Variants in RNF180 observed in about 807,000 individuals in gnomAD.
The protein encoded by RNF180 is E3 ubiquitin-protein ligase RNF180.
In RNF180, 38 loss-of-function variants were observed where a neutral mutation model predicts 59.2. The observed-to-expected ratio is 0.64, with a 90% CI of 0.50 to 0.84. RNF180 has a LOEUF of 0.84. RNF180 is among the 40% of genes least tolerant of loss of function. The pLI, the probability that RNF180 is intolerant of heterozygous loss-of-function variation, is 0.00. For synonymous variants in RNF180, 262 were observed against 240.3 expected (o/e 1.09, Z -0.84); for missense variants, 705 against 700.9 (o/e 1.01, Z -0.07).
At chr5:64,267,133 G>A (rs913240045) in intron 5 of RNF180, among the ~76,000 whole-genome samples, 3 of 151,980 alleles carry the variant, frequency 2.0e-5, no homozygotes, top group East Asian at 1.9e-4. Flanking sequence ...CTGATCCTAA[G>A]GGTTCTATTA....
rs10064715 is a variant in RNF180, at chr5:64,370,034, A to G, written c.*220A>G. On this transcript the variant is annotated 3_prime_UTR_variant, in exon 8 of 8. Coordinates refer to ENST00000389100, the MANE Select transcript of RNF180 (RefSeq NM_001113561.2). ...CCTACCCAGCACTTAGCAACAATGC[A>G]CTATTAATTTCATAGTTGTTCTTGG... 94,871 of 313,498 alleles carry G rather than the reference A, an allele frequency of 0.3. 15,909 individuals are homozygous for G. Among genetic ancestry groups the G allele is most frequent in the African/African-American group, 0.52 (24,079 of 46,522 alleles). The allele number at this position is 313,498 out of a possible 1,614,324, so 19.4% of individuals were successfully genotyped here.
chr5:64,201,992 C>T (rs1751778970), intron 2 of RNF180, among the ~76,000 whole-genome samples: 1 of 152,040 alleles, frequency 6.6e-6, no homozygotes, highest in Non-Finnish European at 1.5e-5. Context: ...CTTGAAATAA[C>T]ATTTTAATTA....
chr5:64,203,372 A>G (rs1200670157), intron 2 of RNF180, among the ~76,000 whole-genome samples: 2 of 152,192 alleles, frequency 1.3e-5, no homozygotes, highest in Admixed American at 1.3e-4. Flanking sequence ...AAATTCACCC[A>G]TTGTTAGATA....
intron 7 of RNF180, among the ~76,000 whole-genome samples, chr5:64,353,027 T>A (rs1490886858): frequency 6.6e-6 from 1 of 151,870 alleles, no homozygotes; most frequent in Non-Finnish European, 1.5e-5. Context: ...GACTCTTTGA[T>A]GTATTTCCTG....
chr5:64,325,407 A>G lies in RNF180; in HGVS notation c.1449A>G (p.Gln483=), dbSNP rs745777032. The G allele has an allele frequency of 1.3e-6, 2 of 1,530,604 alleles. No individual in the cohort carries two copies. Among genetic ancestry groups the G allele is most frequent in the South Asian group, 1.2e-5 (1 of 83,606 alleles). The allele number at this position is 1,530,604 out of a possible 1,614,324, so 94.8% of individuals were successfully genotyped here. Residue 483 remains glutamine, a synonymous_variant, in exon 6 of 8, where the codon CAA becomes CAG. Transcript: ENST00000389100. ...CRTIISRVFF[Q]TELNNATKTF... Reference sequence around the variant, plus strand: ...CAATTATTTCTAGAGTCTTTTTCCAAACAGGTAACAATTCTCTTTCATTAA... The same window carrying G: ...CAATTATTTCTAGAGTCTTTTTCCAGACAGGTAACAATTCTCTTTCATTAA...
intron 5 of RNF180, among the ~76,000 whole-genome samples, chr5:64,256,748 G>A (rs1055726039): frequency 6.6e-5 from 10 of 152,142 alleles, no homozygotes; most frequent in Non-Finnish European, 1.3e-4. Context: ...GAAAGCCATT[G>A]GTAGCTTGAT....
chr5:64,200,735 C>T (rs1355201522), intron 1 of RNF180, 73 bp from the exon 2 acceptor site: 3 of 1,275,668 alleles, frequency 2.4e-6, no homozygotes, highest in Non-Finnish European at 3.3e-6. Context: ...GTAGCTAATG[C>T]CATGTTAAGG....
chr5:64,367,451 A>G (rs749511420), intron 7 of RNF180, among the ~76,000 whole-genome samples: 7 of 151,722 alleles, frequency 4.6e-5, no homozygotes, highest in Non-Finnish European at 7.4e-5. Flanking sequence ...GTCAGCCAAG[A>G]TCAATTAGAA....
chr5:64,368,305 A>T (rs1383228434), intron 7 of RNF180, among the ~76,000 whole-genome samples: 2 of 151,838 alleles, frequency 1.3e-5, no homozygotes, highest in African/African-American at 4.8e-5. Flanking sequence ...TACAAGGTTA[A>T]GTTGGTGATC....
intron 7 of RNF180, among the ~76,000 whole-genome samples, chr5:64,345,046 G>A (rs1486931488): frequency 6.6e-6 from 1 of 152,002 alleles, no homozygotes; most frequent in Non-Finnish European, 1.5e-5. Context: ...TTTGGCTAGT[G>A]ATCCATTCAT....
chr5:64,318,930 A>G (rs1744200349), intron 5 of RNF180, among the ~76,000 whole-genome samples: 1 of 152,208 alleles, frequency 6.6e-6, no homozygotes, highest in Non-Finnish European at 1.5e-5. Context: ...GATGCATGAC[A>G]TTACGCATTT....
At chr5:64,346,900 G>T (rs1343467622) in intron 7 of RNF180, among the ~76,000 whole-genome samples, 7 of 152,238 alleles carry the variant, frequency 4.6e-5, no homozygotes, top group South Asian at 2.1e-4. Flanking sequence ...GAATGGAAAG[G>T]TACCTTGAAA....
At chr5:64,288,196 A>C (rs993829701) in intron 5 of RNF180, among the ~76,000 whole-genome samples, 36 of 152,110 alleles carry the variant, frequency 2.4e-4, no homozygotes, top group African/African-American at 8.7e-4. Context: ...AGGGTTGTTG[A>C]AGATCAGATG....
chr5:64,177,941 C>T (rs1240418863), intron 1 of RNF180, among the ~76,000 whole-genome samples: 5 of 152,064 alleles, frequency 3.3e-5, no homozygotes, highest in Non-Finnish European at 5.9e-5. Context: ...CGTGGTGGCT[C>T]ACGCCTGTAA....
At chr5:64,325,599 C>T (rs1678963401) in intron 6 of RNF180, among the ~76,000 whole-genome samples, 188 bp downstream of exon 6, 2 of 152,154 alleles carry the variant, frequency 1.3e-5, no homozygotes, top group South Asian at 4.1e-4. Flanking sequence ...ATCCTCATCT[C>T]GAATTCCCTA....
rs543313199 is a variant in RNF180, at chr5:64,372,255, A to G, written c.*2441A>G. 1.3e-5 allele frequency: 2 copies of G among 151,932 alleles called. No homozygotes were observed. The highest frequency in any genetic ancestry group is 2.9e-5 in the Non-Finnish European group (2 of 67,818). The allele number at this position is 151,932 out of a possible 1,614,324, so 9.4% of individuals were successfully genotyped here. A position where few individuals can be genotyped will look rare whatever the true frequency, so the allele number is the denominator to read the frequency against. On this transcript the variant is annotated 3_prime_UTR_variant, in exon 8 of 8. Coordinates refer to ENST00000389100, the MANE Select transcript of RNF180 (RefSeq NM_001113561.2). ...AGCAGGTTATTTTTTAATTTTAAAA[A>G]AGCAAATTCACAAACCTAGACCCAT...
At chr5:64,250,834 G>C (rs1308183659) in intron 5 of RNF180, among the ~76,000 whole-genome samples, 1 of 152,084 alleles carries the variant, frequency 6.6e-6, no homozygotes, top group African/African-American at 2.4e-5. Context: ...GAAGAGGAGG[G>C]AATACTTTCA....
intron 4 of RNF180, among the ~76,000 whole-genome samples, chr5:64,216,478 A>G (rs1177807726): frequency 6.6e-6 from 1 of 152,176 alleles, no homozygotes; most frequent in African/African-American, 2.4e-5. Flanking sequence ...TAAACATACA[A>G]TATGTAAAGT....
At chr5:64,243,916 C>T (rs950510173) in intron 5 of RNF180, among the ~76,000 whole-genome samples, 1 of 152,140 alleles carries the variant, frequency 6.6e-6, no homozygotes, top group Non-Finnish European at 1.5e-5. Context: ...CTTTGCTGTT[C>T]TGCAGTCTTT....
Sources: allele counts gnomAD v4.1 joint callset (sites outside exome capture counted in the v4.1 genomes callset), GRCh38; gene constraint gnomAD v4.1.1; transcripts MANE v1.5; gene names NCBI Gene and HGNC (gene_info 2026-07-23, HGNC 2026-07-21).